LOC128706666: variants seen among roughly 807,000 people sequenced by gnomAD.
the LOC128706666 span, among the ~76,000 whole-genome samples, chr20:10,423,425 A>C: frequency 6.6e-6 from 1 of 152,174 alleles, no homozygotes; most frequent in East Asian, 1.9e-4. Context: ...GTTTCAAAAA[A>C]ACAAACCAAA....
the LOC128706666 span, among the ~76,000 whole-genome samples, chr20:10,428,754 G>T: frequency 6.6e-6 from 1 of 152,134 alleles, no homozygotes; most frequent in Non-Finnish European, 1.5e-5. Flanking sequence ...CAGGAGAATC[G>T]CTTGAATCCA....
the LOC128706666 span, among the ~76,000 whole-genome samples, chr20:10,417,682 AAT>A: frequency 2.0e-5 from 3 of 152,210 alleles, no homozygotes; most frequent in African/African-American, 7.2e-5. Context: ...AAAAAAAAAA[AAT>A]CAACATCATC....
chr20:10,423,040 T>C, the LOC128706666 span, among the ~76,000 whole-genome samples: 3 of 152,226 alleles, frequency 2.0e-5, no homozygotes, highest in African/African-American at 7.2e-5. Flanking sequence ...TAAGAGCCAT[T>C]TCTGCCATTC....
chr20:10,423,672 A>G, the LOC128706666 span, among the ~76,000 whole-genome samples: 4 of 152,200 alleles, frequency 2.6e-5, no homozygotes, highest in African/African-American at 9.6e-5. Flanking sequence ...GTGAATCTTT[A>G]GGTCATCTCC....
chr20:10,422,948 C>T, the LOC128706666 span, among the ~76,000 whole-genome samples: 137 of 152,046 alleles, frequency 9.0e-4, no homozygotes, highest in African/African-American at 3.1e-3. Flanking sequence ...CCTGACCTTG[C>T]GATCCGCTCG....
At chr20:10,429,904 TG>T in the LOC128706666 span, among the ~76,000 whole-genome samples, 3 of 152,146 alleles carry the variant, frequency 2.0e-5, no homozygotes, top group African/African-American at 7.2e-5. Flanking sequence ...AACTCTAGGG[TG>T]GGGTCCAGTA....
chr20:10,419,926 G>A, the LOC128706666 span, among the ~76,000 whole-genome samples: 42 of 152,254 alleles, frequency 2.8e-4, no homozygotes, highest in East Asian at 3.3e-3. Flanking sequence ...GCCAAACTGC[G>A]GATAAAGGGA....
At chr20:10,428,997 T>C in the LOC128706666 span, among the ~76,000 whole-genome samples, 4 of 152,186 alleles carry the variant, frequency 2.6e-5, no homozygotes, top group Non-Finnish European at 5.9e-5. Context: ...CTTAAGGGCC[T>C]TTCTCTTTTG....
chr20:10,415,378 G>A, the LOC128706666 span, among the ~76,000 whole-genome samples: 2 of 152,116 alleles, frequency 1.3e-5, no homozygotes, highest in Non-Finnish European at 2.9e-5. Flanking sequence ...GTGCAAAGAG[G>A]TGGGCAGAAC....
chr20:10,431,337 T>G, the LOC128706666 span, among the ~76,000 whole-genome samples: 6 of 146,958 alleles, frequency 4.1e-5, no homozygotes, highest in African/African-American at 1.4e-4. Flanking sequence ...AATTTTCACT[T>G]CAAATATGTA....
the LOC128706666 span, among the ~76,000 whole-genome samples, chr20:10,415,014 A>G: frequency 1.1e-4 from 16 of 152,342 alleles, no homozygotes; most frequent in Admixed American, 7.2e-4. Flanking sequence ...ATTCAATTTC[A>G]AAGTCTAAAT....
chr20:10,422,260 T>C, the LOC128706666 span, among the ~76,000 whole-genome samples: 21,746 of 152,182 alleles, frequency 0.14, 1,738 homozygotes, highest in East Asian at 0.24. Flanking sequence ...AAACACGACC[T>C]GCTTTGTAAA....
the LOC128706666 span, among the ~76,000 whole-genome samples, chr20:10,425,965 A>G: frequency 9.8e-5 from 15 of 152,352 alleles, no homozygotes; most frequent in South Asian, 3.1e-3. Flanking sequence ...AATAGAGTTG[A>G]TATTTATAGT....
chr20:10,427,242 A>G, the LOC128706666 span, among the ~76,000 whole-genome samples: 1 of 152,134 alleles, frequency 6.6e-6, no homozygotes, highest in Admixed American at 6.5e-5. Context: ...GGATGCAGGG[A>G]ATGTTACATC....
At chr20:10,420,642 G>A in the LOC128706666 span, 1 of 152,144 alleles carries the variant, frequency 6.6e-6, no homozygotes, top group South Asian at 2.1e-4. Context: ...AAACAGGGCT[G>A]CTTTTGATTC....
At chr20:10,417,738 C>T in the LOC128706666 span, among the ~76,000 whole-genome samples, 2 of 151,900 alleles carry the variant, frequency 1.3e-5, no homozygotes, top group African/African-American at 2.4e-5. Flanking sequence ...ACATGATTAC[C>T]TAGGATCTAT....
the LOC128706666 span, among the ~76,000 whole-genome samples, chr20:10,428,354 A>G: frequency 6.6e-6 from 1 of 152,216 alleles, no homozygotes; most frequent in African/African-American, 2.4e-5. Flanking sequence ...GTGCTACAGC[A>G]AACACTTTAT....
the LOC128706666 span, among the ~76,000 whole-genome samples, chr20:10,432,383 C>T: frequency 6.6e-6 from 1 of 152,222 alleles, no homozygotes; most frequent in African/African-American, 2.4e-5. Flanking sequence ...CAACCTAGGA[C>T]AATCTAGAAA....
chr20:10,428,376 G>A, the LOC128706666 span, among the ~76,000 whole-genome samples: 146 of 152,288 alleles, frequency 9.6e-4, no homozygotes, highest in African/African-American at 3.5e-3. Context: ...TTCCTGGTAT[G>A]TTCTGAATCC....
Sources: gnomAD v4.1 joint callset for allele counts (sites outside exome capture counted in the v4.1 genomes callset) on GRCh38, gnomAD v4.1.1 for gene constraint, MANE v1.5 for transcripts.